ZNF528: variants seen among roughly 807,000 people sequenced by gnomAD.
The protein encoded by ZNF528 is zinc finger protein 528.
ZNF528 carries 9 observed loss-of-function variants against 13.3 expected under a neutral mutation model. The observed-to-expected ratio is 0.67, with a 90% CI of 0.41 to 1.18. The LOEUF (loss-of-function observed/expected upper bound fraction) is 1.18, where lower values mean the gene tolerates loss of function less well. Ranked by LOEUF, ZNF528 falls within the 50% of genes most tolerant of loss-of-function variation. The pLI, the probability that ZNF528 is intolerant of heterozygous loss-of-function variation, is 0.01. For missense variants in ZNF528, 858 were observed against 745.4 expected, an observed-to-expected ratio of 1.15 and a Z score of -1.76; for synonymous variants, 264 against 254.3, an observed-to-expected ratio of 1.04 and a Z score of -0.36.
Position 52,415,185 on chromosome 19 carries a change from C to T in ZNF528, c.333C>T (p.Phe111=). ...GNKPCKNQLG[F]TFQLHLSDLQ... ...AGCCTTGTAAAAATCAACTTGGATT[C>T]ACTTTTCAGTTACATCTGAGTGATC... Residue 111 remains phenylalanine (F), a synonymous_variant, in exon 7 of 7, where the codon TTC becomes TTT. Transcript: ENST00000360465. The T allele has an allele frequency of 6.2e-7, 1 of 1,611,984 alleles. No individual in the cohort carries two copies. Among genetic ancestry groups the T allele is most frequent in the Non-Finnish European group, 8.5e-7 (1 of 1,179,070 alleles).
rs2058965713 is a variant in ZNF528 at position 52,414,020 on chromosome 19, T to C, written c.272-1104T>C. The C allele has an allele frequency of 7.1e-6, 4 of 565,512 alleles. No homozygotes were observed. In the Admixed American group the frequency reaches 1.2e-4, roughly 17 times the overall value. 35.0% of individuals were successfully genotyped at this position (565,512 alleles called of 1,614,324 possible). ...CTGTCTCAATAGAACTTGAAACAACTGCACGTAGTGTTTTTTTCAACAGAC... is the reference window on the plus strand; with the variant it reads ...CTGTCTCAATAGAACTTGAAACAACCGCACGTAGTGTTTTTTTCAACAGAC... On this transcript the variant is annotated intron_variant, in intron 6 of 6. Transcript: ENST00000360465.
At chr19:52,414,626 G>A (rs1396325037) in intron 6 of ZNF528, 8 of 410,604 alleles carry the variant, frequency 1.9e-5, no homozygotes, top group Non-Finnish European at 3.6e-5. Context: ...GTCAGGCGCA[G>A]TCGTGAGTTT....
chr19:52,417,020 G>T lies in ZNF528; in HGVS notation c.*281G>T. 2.5e-6 allele frequency: 1 copy of T among 398,396 alleles called. No individual in the cohort carries two copies. The highest frequency in any genetic ancestry group is 4.6e-6 in the Non-Finnish European group (1 of 219,480). The allele number at this position is 398,396 out of a possible 1,614,324, so 24.7% of individuals were successfully genotyped here. A position where few individuals can be genotyped will look rare whatever the true frequency, so the allele number is the denominator to read the frequency against. ...CTCTGGTTCTCTGATACTAATCTAT[G>T]ATATTGCATGATGCAGAATAATGCT... On this transcript the variant is annotated 3_prime_UTR_variant, in exon 7 of 7. Transcript: ENST00000360465.
chr19:52,405,523 CCT>C (rs756090551), intron 4 of ZNF528, among the ~76,000 whole-genome samples: 206 of 151,896 alleles, frequency 1.4e-3, no homozygotes, highest in Admixed American at 2.9e-3. Context: ...AGAGTGATAC[CCT>C]GTCTCAAAAA....
intron 6 of ZNF528, among the ~76,000 whole-genome samples, chr19:52,407,754 T>G (rs901152292): frequency 6.6e-6 from 1 of 152,146 alleles, no homozygotes. Context: ...CTAGCTTGGG[T>G]GACAGAGTGA....
At position 52,398,505 on chromosome 19, in the gene ZNF528, T is replaced by A; in HGVS notation, c.-251T>A. On this transcript the variant is annotated 5_prime_UTR_variant, in exon 2 of 7. Transcript: ENST00000360465. ...TCCGGAAGTGGGCATCTTATTCCAATCCCCTCCCTGTGAATGTGTGGAGAA... is the reference window on the plus strand; with the variant it reads ...TCCGGAAGTGGGCATCTTATTCCAAACCCCTCCCTGTGAATGTGTGGAGAA... The A allele has an allele frequency of 1.1e-6, 1 of 910,970 alleles. No individual in the cohort carries two copies. The highest frequency in any genetic ancestry group is 5.1e-5 in the South Asian group (1 of 19,740). The allele number at this position is 910,970 out of a possible 1,614,324, so 56.4% of individuals were successfully genotyped here. A position where few individuals can be genotyped will look rare whatever the true frequency, so the allele number is the denominator to read the frequency against.
chr19:52,414,586 G>C, intron 6 of ZNF528: 1 of 458,240 alleles, frequency 2.2e-6, no homozygotes, highest in Non-Finnish European at 4.0e-6. Context: ...ATGGCACCAG[G>C]GAGTGATTAC....
chr19:52,400,661 A>G (rs543434479), intron 2 of ZNF528, among the ~76,000 whole-genome samples: 1 of 152,174 alleles, frequency 6.6e-6, no homozygotes, highest in Non-Finnish European at 1.5e-5. Context: ...AGATAGGACT[A>G]TGGGCCTGTC....
intron 2 of ZNF528, 62 bp from the exon 3 acceptor site, chr19:52,401,623 G>A: frequency 8.4e-7 from 1 of 1,193,294 alleles, no homozygotes; most frequent in Non-Finnish European, 1.1e-6. Flanking sequence ...ATCAAAGTAT[G>A]ATTTTAGGAA....
rs964371066 is a variant in ZNF528 at position 52,397,905 on chromosome 19, G to C, written c.-390+1G>C. The C allele has an allele frequency of 3.3e-5, 5 of 152,220 alleles. No homozygotes were observed. The highest frequency in any genetic ancestry group is 1.2e-4 in the African/African-American group (5 of 41,450). The allele number at this position is 152,220 out of a possible 1,614,324, so 9.4% of individuals were successfully genotyped here. Reference sequence around the variant, plus strand: ...GGAGAAACTGTTTTCGCAGCAGTGCGTGAGTTTCCCTTTGTCTATGTTAAG... The same window carrying C: ...GGAGAAACTGTTTTCGCAGCAGTGCCTGAGTTTCCCTTTGTCTATGTTAAG... On this transcript the variant is annotated splice_donor_variant, in intron 1 of 6. Coordinates refer to ENST00000360465, the MANE Select transcript of ZNF528 (RefSeq NM_032423.3). LOFTEE classifies it low-confidence loss of function (5UTR_SPLICE).
chr19:52,407,690 C>T (rs896425018), intron 6 of ZNF528, among the ~76,000 whole-genome samples: 2 of 151,992 alleles, frequency 1.3e-5, no homozygotes, highest in East Asian at 3.9e-4. Flanking sequence ...GCAGGAGAAT[C>T]GCTTGAACCT....
rs1407313988 is a variant in ZNF528 at position 52,415,352 on chromosome 19, T to C, written c.500T>C (p.Phe167Ser). 5 of 1,611,978 alleles carry C rather than the reference T, an allele frequency of 3.1e-6. No homozygotes were observed. The African/African-American group carries it at 4.0e-5, about 13-fold the overall frequency. The change falls in exon 7 of 7, where the codon TTT becomes TCT. Residue 167 changes from phenylalanine (F) to serine (S), a missense_variant. Physicochemically the swap from Phe to Ser is radical, Grantham distance 155. Coordinates refer to ENST00000360465, the MANE Select transcript of ZNF528 (RefSeq NM_032423.3). ...CTTTTAAATAAATATAGAAATAATT[T>C]TGATCATGCTCCATTACTTCCACAA... is the stretch of plus-strand genomic sequence containing the variant. Reference protein sequence around the residue: ...SHLLNKYRNNFDHAPLLPQEQ... With the variant: ...SHLLNKYRNNSDHAPLLPQEQ...
rs1388900246 is a variant in ZNF528, at chr19:52,416,059, C to CAGGA, written c.1208_1209insGGAA (p.His403GlnfsTer4). On this transcript the variant is annotated frameshift_variant, in exon 7 of 7. Coordinates refer to ENST00000360465, the MANE Select transcript of ZNF528 (RefSeq NM_032423.3). LOFTEE classifies it low-confidence loss of function (END_TRUNC). ...TTTCCTGACCTCTCATCAGAGAATT[C>CAGGA]ATACTAGAGAGAGACCTTATGGATG... 1.2e-6 allele frequency: 2 copies of CAGGA among 1,613,894 alleles called. No individual in the cohort carries two copies. The highest frequency in any genetic ancestry group is 8.5e-7 in the Non-Finnish European group (1 of 1,180,028).
rs2058991026 is a variant in ZNF528 at position 52,415,641 on chromosome 19, T to C, written c.789T>C (p.His263=). 2 of 1,614,070 alleles carry C rather than the reference T, an allele frequency of 1.2e-6. No homozygotes were observed. The highest frequency in any genetic ancestry group is 1.7e-5 in the Admixed American group (1 of 60,000). Residue 263 remains histidine (H), a synonymous_variant, in exon 7 of 7, where the codon CAT becomes CAC. Coordinates refer to ENST00000360465, the MANE Select transcript of ZNF528 (RefSeq NM_032423.3). ...ACCTTTCACAACATCAAAGAATTCA[T>C]ACTGGAGAGAAGCCTTACAAATGTC... ...NSNLSQHQRI[H]TGEKPYKCHE... is the part of the protein sequence containing the mutation.
At chr19:52,414,326 G>A (rs1352072451) in intron 6 of ZNF528, 2 of 702,472 alleles carry the variant, frequency 2.8e-6, no homozygotes, top group Non-Finnish European at 5.2e-6. Context: ...ACAGACCTTG[G>A]GGGACTGAAC....
At position 52,415,803 on chromosome 19, in the gene ZNF528, A is replaced by C; in HGVS notation, c.951A>C (p.Lys317Asn). 6.2e-7 allele frequency: 1 copy of C among 1,614,172 alleles called. No homozygotes were observed. The highest frequency in any genetic ancestry group is 8.5e-7 in the Non-Finnish European group (1 of 1,180,026). ...NQIAHLVRHQ[K>N]IHTGEKPYSC... is the part of the protein sequence containing the mutation. ...TTGCACACCTTGTACGACATCAAAA[A>C]ATTCATACTGGAGAGAAACCTTACA... is the stretch of plus-strand genomic sequence containing the variant. Residue 317 changes from lysine (K) to asparagine (N), a missense_variant, in exon 7 of 7, where the codon AAA becomes AAC. Lys to Asn is a moderately conservative substitution (Grantham distance 94, BLOSUM62 0). Transcript: ENST00000360465.
At chr19:52,401,225 A>G (rs562090658) in intron 2 of ZNF528, among the ~76,000 whole-genome samples, 1 of 151,304 alleles carries the variant, frequency 6.6e-6, no homozygotes, top group Non-Finnish European at 1.5e-5. Flanking sequence ...CTCCACCTCC[A>G]CGTGTCCAAA....
chr19:52,398,711 G>A (rs1220003472), intron 2 of ZNF528, 92 bp downstream of exon 2: 13 of 710,290 alleles, frequency 1.8e-5, no homozygotes, highest in Non-Finnish European at 2.1e-5. Flanking sequence ...ACAAACCTGG[G>A]TCTGTAGAAA....
chr19:52,404,504 C>T (rs566659664), intron 4 of ZNF528, among the ~76,000 whole-genome samples: 3 of 152,236 alleles, frequency 2.0e-5, no homozygotes, highest in Admixed American at 6.5e-5. Context: ...TCATGTAAAG[C>T]ATTTAAAATA....
Sources: gnomAD v4.1 joint callset for allele counts (sites outside exome capture counted in the v4.1 genomes callset) on GRCh38, gnomAD v4.1.1 for gene constraint, MANE v1.5 for transcripts, NCBI Gene and HGNC (gene_info 2026-07-23, HGNC 2026-07-21) for gene names.